CMTM7: variants seen among roughly 807,000 people sequenced by gnomAD.
CMTM7 encodes CKLF like MARVEL transmembrane domain containing 7.
In CMTM7, 7 loss-of-function variants were observed where a neutral mutation model predicts 19.3. The observed-to-expected ratio is 0.36, with a 90% confidence interval of 0.21 to 0.68. The LOEUF is 0.68. Ranked by LOEUF, CMTM7 falls within the 30% of genes least tolerant of loss-of-function variation. The probability of loss-of-function intolerance (pLI) is 0.60; values close to 1 mark genes in which losing one functional copy is unlikely to be tolerated. For synonymous variants in CMTM7, 87 were observed against 99.3 expected, an observed-to-expected ratio of 0.88 and a Z score of 0.74; for missense variants, 193 against 232.6, an observed-to-expected ratio of 0.83 and a Z score of 1.11.
intron 1 of CMTM7, among the ~76,000 whole-genome samples, chr3:32,434,808 A>G (rs1696572770): frequency 6.6e-6 from 1 of 152,176 alleles, no homozygotes; most frequent in South Asian, 2.1e-4. Context: ...TTTAGAATAT[A>G]AAGAGTTCTT....
chr3:32,411,960 C>T (rs1696182986), intron 1 of CMTM7, among the ~76,000 whole-genome samples: 1 of 152,158 alleles, frequency 6.6e-6, no homozygotes, highest in Admixed American at 6.5e-5. Flanking sequence ...GAGAAGAGAA[C>T]AGTCTCTGCA....
chr3:32,431,859 C>T (rs1176202250), intron 1 of CMTM7, among the ~76,000 whole-genome samples: 2 of 152,244 alleles, frequency 1.3e-5, no homozygotes, highest in Non-Finnish European at 2.9e-5. Flanking sequence ...AGGCCGGGCA[C>T]AGTGGCTCAC....
intron 1 of CMTM7, among the ~76,000 whole-genome samples, chr3:32,403,141 T>C (rs1490679553): frequency 1.3e-5 from 2 of 152,242 alleles, no homozygotes; most frequent in Non-Finnish European, 2.9e-5. Context: ...AACTAAATAA[T>C]AGCACTTTGA....
At chr3:32,442,780 A>G (rs571462339) in intron 2 of CMTM7, among the ~76,000 whole-genome samples, 15 of 152,318 alleles carry the variant, frequency 9.8e-5, no homozygotes, top group Non-Finnish European at 1.3e-4. Flanking sequence ...GATGCAGTTC[A>G]TATGCCGTAT....
At chr3:32,440,572 G>A (rs947967516) in intron 1 of CMTM7, among the ~76,000 whole-genome samples, 21 of 152,322 alleles carry the variant, frequency 1.4e-4, no homozygotes, top group African/African-American at 4.8e-4. Flanking sequence ...GAGCTCAGGA[G>A]TTTGAAACCA....
chr3:32,442,498 C>CAAAAAAAAAAA (rs59568281), intron 2 of CMTM7, among the ~76,000 whole-genome samples: 12 of 80,048 alleles, frequency 1.5e-4, no homozygotes, highest in African/African-American at 5.3e-4. Flanking sequence ...AGACTCCTCT[C>CAAAAAAAAAAA]AAAAAAAAAA....
At chr3:32,396,092 C>T (rs1306287381) in intron 1 of CMTM7, among the ~76,000 whole-genome samples, 2 of 152,078 alleles carry the variant, frequency 1.3e-5, no homozygotes, top group South Asian at 2.1e-4. Flanking sequence ...TAGGCAAATG[C>T]GTAGACACAA....
At chr3:32,398,323 C>G (rs1392453934) in intron 1 of CMTM7, among the ~76,000 whole-genome samples, 1 of 152,152 alleles carries the variant, frequency 6.6e-6, no homozygotes, top group East Asian at 1.9e-4. Context: ...GACAGAGAAT[C>G]AGAATGTATT....
At position 32,449,049 on chromosome 3, in the gene CMTM7, C is replaced by T. The variant is rs894654011; in HGVS notation, c.334-405C>T. On this transcript the variant is annotated intron_variant, in intron 2 of 4. Transcript: ENST00000334983. This position sits in a 1 kb window ranked among gnomAD's most constrained non-coding sequence, Gnocchi z 4.5. Reference sequence around the variant, plus strand: ...GCAAATATCTCTTTAAGGTACTTTGCTTCTCCGAGCTGGAGCTTTGTTTAA... The same window carrying T: ...GCAAATATCTCTTTAAGGTACTTTGTTTCTCCGAGCTGGAGCTTTGTTTAA... 3.3e-5 allele frequency among the ~76,000 whole-genome samples: 5 copies of T among 152,232 alleles called. No homozygotes were observed. Among genetic ancestry groups the T allele is most frequent in the African/African-American group, 7.2e-5 (3 of 41,466 alleles).
chr3:32,407,543 A>T (rs767832186), intron 1 of CMTM7, among the ~76,000 whole-genome samples: 4 of 152,176 alleles, frequency 2.6e-5, no homozygotes, highest in African/African-American at 4.8e-5. Context: ...TTTCCTGCAG[A>T]TCAGATATTT....
chr3:32,434,628 A>C (rs536698342), intron 1 of CMTM7, among the ~76,000 whole-genome samples: 2 of 139,938 alleles, frequency 1.4e-5, no homozygotes, highest in South Asian at 4.4e-4. Flanking sequence ...TTTTTAAGTA[A>C]TTTTGAGATA....
intron 1 of CMTM7, among the ~76,000 whole-genome samples, chr3:32,434,378 C>T (rs1229361995): frequency 6.6e-5 from 10 of 152,046 alleles, no homozygotes; most frequent in Admixed American, 6.6e-5. Context: ...CTTACTGCAA[C>T]CTCTAACTCC....
At chr3:32,421,209 C>A (rs375918294) in intron 1 of CMTM7, among the ~76,000 whole-genome samples, 59 of 152,210 alleles carry the variant, frequency 3.9e-4, no homozygotes, top group African/African-American at 1.2e-3. Context: ...CTACTAGATT[C>A]ATTTTCCTGA....
At chr3:32,411,579 C>G (rs1696175702) in intron 1 of CMTM7, among the ~76,000 whole-genome samples, 1 of 151,436 alleles carries the variant, frequency 6.6e-6, no homozygotes, top group Non-Finnish European at 1.5e-5. Context: ...TTGACTCCCA[C>G]TTTGGGAATG....
chr3:32,441,945 C>T lies in CMTM7; in HGVS notation c.265C>T (p.Leu89Phe). The change falls in exon 2 of 5, where the codon CTC becomes TTC. Residue 89 changes from leucine (L) to phenylalanine (F), a missense_variant. Leu to Phe is a conservative substitution (Grantham distance 22, BLOSUM62 0). Coordinates refer to ENST00000334983, the MANE Select transcript of CMTM7 (RefSeq NM_138410.4). ...VVTICDLIMI[L>F]AFYLVHLFRF... ...CACCATTTGCGACTTGATAATGATC[C>T]TCGCCTTTTACCTGGTCCACCTCTT... 6.2e-7 allele frequency: 1 copy of T among 1,614,178 alleles called. No individual in the cohort carries two copies. Among genetic ancestry groups the T allele is most frequent in the Non-Finnish European group, 8.5e-7 (1 of 1,180,040 alleles).
intron 1 of CMTM7, among the ~76,000 whole-genome samples, chr3:32,400,379 T>G (rs1695983258): frequency 6.9e-6 from 1 of 144,874 alleles, no homozygotes; most frequent in South Asian, 2.2e-4. Context: ...TAAATGCTTT[T>G]CTTTTTTTTT....
chr3:32,444,487 A>T (rs965082445), intron 2 of CMTM7, among the ~76,000 whole-genome samples: 7 of 152,230 alleles, frequency 4.6e-5, no homozygotes, highest in African/African-American at 1.2e-4. Flanking sequence ...AAAACTAGCA[A>T]ATATGCAGCC....
chr3:32,398,799 C>T (rs963266820), intron 1 of CMTM7, among the ~76,000 whole-genome samples: 1 of 151,906 alleles, frequency 6.6e-6, no homozygotes, highest in Non-Finnish European at 1.5e-5. Flanking sequence ...TCCTGGGCAA[C>T]ATGGTGAAAC....
chr3:32,453,230 C>G (rs572704085), intron 4 of CMTM7, among the ~76,000 whole-genome samples: 4 of 152,044 alleles, frequency 2.6e-5, no homozygotes, highest in Admixed American at 6.5e-5. Context: ...CACCTGAGCC[C>G]AGGAGTTTGA....
Sources: gnomAD v4.1 joint callset for allele counts (sites outside exome capture counted in the v4.1 genomes callset) on GRCh38, gnomAD v4.1.1 for gene constraint, Gnocchi (gnomAD v3.1) non-coding constraint, MANE v1.5 for transcripts, NCBI Gene and HGNC (gene_info 2026-07-23, HGNC 2026-07-21) for gene names.